Variants in CRY1 observed in about 807,000 individuals in gnomAD.
CRY1 encodes cryptochrome circadian regulator 1.
CRY1 carries 45 observed loss-of-function variants against 76.0 expected under a neutral mutation model. That is an observed-to-expected ratio of 0.59 (90% CI 0.47 to 0.76). The LOEUF is 0.76. Among genes scored for constraint, CRY1 ranks in the 30% least tolerant of loss-of-function variants. CRY1 has a pLI of 0.00. For missense variants in CRY1, 587 were observed against 716.4 expected (o/e 0.82, Z 2.06); for synonymous variants, 248 against 244.0 (o/e 1.02, Z -0.15).
At chr12:107,056,515 G>A (rs1952984029) in intron 1 of CRY1, among the ~76,000 whole-genome samples, 1 of 152,120 alleles carries the variant, frequency 6.6e-6, no homozygotes, top group Non-Finnish European at 1.5e-5. Flanking sequence ...GCCCAGGTCA[G>A]CTTTGAATGT....
At chr12:107,012,332 T>C (rs1201224407) in intron 2 of CRY1, among the ~76,000 whole-genome samples, 1 of 152,206 alleles carries the variant, frequency 6.6e-6, no homozygotes, top group African/African-American at 2.4e-5. Flanking sequence ...CTAGGTCCCT[T>C]GAGAACTATG....
rs1350649924 is a variant in CRY1, at chr12:106,991,933, A to G, written c.*69T>C. 6.6e-6 allele frequency: 1 copy of G among 152,572 alleles called. No homozygotes were observed. The highest frequency in any genetic ancestry group is 1.5e-5 in the Non-Finnish European group (1 of 68,016). 9.5% of individuals were successfully genotyped at this position (152,572 alleles called of 1,614,324 possible). A position where few individuals can be genotyped will look rare whatever the true frequency, so the allele number is the denominator to read the frequency against. Reference sequence around the variant, plus strand: ...TTCCATCAATGAAGAATATTTTTAAATAACTTAATTGAAAAGTATTGAACT... The same window carrying G: ...TTCCATCAATGAAGAATATTTTTAAGTAACTTAATTGAAAAGTATTGAACT... On this transcript the variant is annotated 3_prime_UTR_variant, in exon 13 of 13. Coordinates refer to ENST00000008527, the MANE Select transcript of CRY1 (RefSeq NM_004075.5).
intron 10 of CRY1, 100 bp from the exon 11 acceptor site, chr12:106,993,136 T>C (rs140113272): frequency 9.4e-7 from 1 of 1,063,240 alleles, no homozygotes; most frequent in African/African-American, 1.6e-5. Flanking sequence ...GTACTTAAGG[T>C]CATTTATATG....
intron 8 of CRY1, 38 bp from the exon 9 acceptor site, chr12:106,997,728 C>T (rs1310295283): frequency 6.2e-7 from 1 of 1,606,856 alleles, no homozygotes; most frequent in African/African-American, 1.3e-5. Context: ...ATAAAATGCA[C>T]TCTAAGCAAA....
intron 1 of CRY1, among the ~76,000 whole-genome samples, chr12:107,051,182 T>C (rs957940429): frequency 6.6e-6 from 1 of 152,154 alleles, no homozygotes; most frequent in Non-Finnish European, 1.5e-5. Flanking sequence ...AGCTGTTATG[T>C]AATTATATGA....
chr12:107,080,595 T>C lies in CRY1; in HGVS notation c.158+12209A>G, dbSNP rs374327327. On this transcript the variant is annotated intron_variant, in intron 1 of 12. Coordinates refer to ENST00000008527, the MANE Select transcript of CRY1 (RefSeq NM_004075.5). ...TGGCAGGAAAGCACAGAAGAGTCCTTTAATAAAGCCAAGGGAAGAAGAGGA... is the reference window on the plus strand; with the variant it reads ...TGGCAGGAAAGCACAGAAGAGTCCTCTAATAAAGCCAAGGGAAGAAGAGGA... Among the ~76,000 whole-genome samples the C allele has an allele frequency of 4.0e-5, 6 of 151,786 alleles. No individual in the cohort carries two copies. In the East Asian group the frequency reaches 1.2e-3, roughly 29 times the overall value.
chr12:106,998,136 A>C, intron 7 of CRY1, 70 bp from the exon 8 acceptor site: 2 of 1,554,526 alleles, frequency 1.3e-6, no homozygotes, highest in Non-Finnish European at 1.7e-6. Flanking sequence ...TCAAGGTCAC[A>C]GTAGAGCCAA....
Position 107,092,926 on chromosome 12 carries a change from C to T in CRY1, c.36G>A (p.Gly12=), listed in dbSNP as rs774282495. ...GGGCGGGGTTGTCGTGGAGCCGGAG[C>T]CCCTTTCGGAACCAGTGCACGGCGT... ...GVNAVHWFRK[G]LRLHDNPALK... Residue 12 remains glycine, a synonymous_variant, in exon 1 of 13, where the codon GGG becomes GGA. Coordinates refer to ENST00000008527, the MANE Select transcript of CRY1 (RefSeq NM_004075.5). 24 of 1,601,544 alleles carry T rather than the reference C, an allele frequency of 1.5e-5. No individual in the cohort carries two copies. The South Asian group carries it at 2.7e-4, about 18-fold the overall frequency.
At chr12:106,999,902 T>C (rs754962062) in intron 6 of CRY1, 40 bp from the exon 7 acceptor site, 1 of 1,588,548 alleles carries the variant, frequency 6.3e-7, no homozygotes, top group South Asian at 1.2e-5. Flanking sequence ...AGAATTTTTT[T>C]TTAAAGTATT....
chr12:107,025,155 T>G (rs1555198940), intron 1 of CRY1, among the ~76,000 whole-genome samples: 1 of 151,942 alleles, frequency 6.6e-6, no homozygotes, highest in African/African-American at 2.4e-5. Context: ...CGTTAGGGAG[T>G]GGGGGTTTGA....
rs1952197467 is a variant in CRY1 at position 106,993,033 on chromosome 12, C to G, written c.1589G>C (p.Cys530Ser). Reference sequence around the variant, plus strand: ...GTGTAAAATACCACTCCCTTGAGAGCAACCTGTTAGTATTTAAAACACAGT... The same window carrying G: ...GTGTAAAATACCACTCCCTTGAGAGGAACCTGTTAGTATTTAAAACACAGT... ...NIPGCSSSGS[C>S]SQGSGILHYA... Residue 530 changes from cysteine to serine, a missense_variant, in exon 11 of 13, where the codon TGC becomes TCC. Transcript: ENST00000008527. The G allele has an allele frequency of 6.2e-7, 1 of 1,613,742 alleles. No homozygotes were observed. Among genetic ancestry groups the G allele is most frequent in the African/African-American group, 1.3e-5 (1 of 74,924 alleles).
chr12:107,012,584 A>G (rs1952457566), intron 2 of CRY1, among the ~76,000 whole-genome samples: 1 of 152,264 alleles, frequency 6.6e-6, no homozygotes, highest in African/African-American at 2.4e-5. Flanking sequence ...TCAATTCTGC[A>G]GCCCATGGAT....
chr12:107,081,757 C>T lies in CRY1; in HGVS notation c.158+11047G>A, dbSNP rs183943639. Among the ~76,000 whole-genome samples the T allele has an allele frequency of 2.1e-4, 32 of 152,114 alleles. 1 individual carries two copies. The highest frequency in any genetic ancestry group is 1.9e-3 in the Admixed American group (29 of 15,266). On this transcript the variant is annotated intron_variant, in intron 1 of 12. Transcript: ENST00000008527. Reference sequence around the variant, plus strand: ...GTTCCCCCAAAATTCATGTTAAAACCTAATCCTCAATGCTACAGTATTAAG... The same window carrying T: ...GTTCCCCCAAAATTCATGTTAAAACTTAATCCTCAATGCTACAGTATTAAG...
At chr12:107,090,801 T>C (rs1221006205) in intron 1 of CRY1, among the ~76,000 whole-genome samples, 1 of 152,186 alleles carries the variant, frequency 6.6e-6, no homozygotes, top group African/African-American at 2.4e-5. Flanking sequence ...TCCAGATACA[T>C]CCAACTGCCT....
At chr12:107,024,032 A>G (rs1249022107) in intron 1 of CRY1, among the ~76,000 whole-genome samples, 1 of 152,258 alleles carries the variant, frequency 6.6e-6, no homozygotes, top group African/African-American at 2.4e-5. Flanking sequence ...AAGGGTTTTT[A>G]CACAGATCAA....
At chr12:107,011,767 A>G (rs1457746429) in intron 2 of CRY1, among the ~76,000 whole-genome samples, 1 of 152,276 alleles carries the variant, frequency 6.6e-6, no homozygotes, top group Admixed American at 6.5e-5. Flanking sequence ...GTGGAGAAGT[A>G]GCAAGTTATC....
chr12:107,090,081 C>CT (rs760511273), intron 1 of CRY1, among the ~76,000 whole-genome samples: 8 of 151,360 alleles, frequency 5.3e-5, no homozygotes, highest in African/African-American at 1.9e-4. Flanking sequence ...TTCCTTCTTT[C>CT]TTTTTTTTCT....
In CRY1 at chr12:107,022,118, C is replaced by T; in HGVS notation, c.233G>A (p.Gly78Glu). The change falls in exon 2 of 13, where the codon GGA (glycine) becomes GAA (glutamate). Residue 78 changes from glycine (G) to glutamate (E), a missense_variant. By Grantham distance (98) the Gly-to-Glu change is moderately conservative. Transcript: ENST00000008527. The part of the protein sequence containing the change: ...KLNSRLFVIR[G>E]QPADVFPRLF... ...CCTGGGAAACACATCTGCTGGTTGT[C>T]CACGAATCACAAACAGACGGGAGTT... 6.2e-7 allele frequency: 1 copy of T among 1,604,762 alleles called. No homozygotes were observed. Among genetic ancestry groups the T allele is most frequent in the Non-Finnish European group, 8.5e-7 (1 of 1,175,262 alleles).
chr12:107,057,906 C>CA (rs1247880019), intron 1 of CRY1, among the ~76,000 whole-genome samples: 1 of 149,918 alleles, frequency 6.7e-6, no homozygotes, highest in Non-Finnish European at 1.5e-5. Context: ...AAAAAAACAA[C>CA]AAAAAAAATT....
Sources: allele counts gnomAD v4.1 joint callset (sites outside exome capture counted in the v4.1 genomes callset), GRCh38; gene constraint gnomAD v4.1.1; transcripts MANE v1.5; gene names NCBI Gene and HGNC (gene_info 2026-07-23, HGNC 2026-07-21).